The following FBN1 variants were observed in gnomAD, a reference collection of about 807,000 sequenced individuals.
The protein encoded by FBN1 is fibrillin 1, also known as fibrillin-1.
In FBN1, 29 loss-of-function variants were observed where a neutral mutation model predicts 365.1. That is an observed-to-expected ratio of 0.08 (90% CI 0.06 to 0.11). The LOEUF (loss-of-function observed/expected upper bound fraction) is 0.11. FBN1 is among the 10% of genes least tolerant of loss of function. The pLI is 1.00. For missense variants in FBN1, 2,476 were observed against 3,703.2 expected, an observed-to-expected ratio of 0.67 and a Z score of 8.60; for synonymous variants, 1,210 against 1,270.5, an observed-to-expected ratio of 0.95 and a Z score of 1.01.
intron 6 of FBN1, among the ~76,000 whole-genome samples, chr15:48,590,332 A>C (rs2044467800): frequency 1.3e-5 from 2 of 152,204 alleles, no homozygotes; most frequent in South Asian, 4.1e-4. Context: ...TTTTCGAAGC[A>C]GGTGTTTCCA....
intron 8 of FBN1, among the ~76,000 whole-genome samples, chr15:48,532,490 G>GTA (rs58665675): frequency 0.15 from 21,817 of 149,036 alleles, 1,582 homozygotes; most frequent in African/African-American, 0.16. Flanking sequence ...GTGTGTGTGT[G>GTA]TATATATATA....
Position 48,455,404 on chromosome 15 carries a change from G to C in FBN1, c.5422+1233C>G, listed in dbSNP as rs1012501026. Among the ~76,000 whole-genome samples, 5 of 152,170 alleles carry C rather than the reference G, an allele frequency of 3.3e-5. No homozygotes were observed. In the East Asian group the frequency reaches 9.6e-4, roughly 29 times the overall value. ...AATATAAGTGGTTAAAAGGTACCTG[G>C]GTACAGTCATCATCAAAGCCATCTC... On this transcript the variant is annotated intron_variant, in intron 44 of 65. Coordinates refer to ENST00000316623, the MANE Select transcript of FBN1 (RefSeq NM_000138.5).
chr15:48,558,894 A>G (rs75071782), intron 6 of FBN1, among the ~76,000 whole-genome samples: 3,594 of 152,316 alleles, frequency 0.024, 71 homozygotes, highest in Non-Finnish European at 0.039. Context: ...ATGCATTCAG[A>G]TCTGCATCTG....
At position 48,638,721 on chromosome 15, in the gene FBN1, A is replaced by ATTT. The variant is rs553256452; in HGVS notation, c.164+5884_164+5885insAAA. Among the ~76,000 whole-genome samples, 374 of 152,152 alleles carry ATTT rather than the reference A, an allele frequency of 2.5e-3. 3 individuals are homozygous for ATTT. Among genetic ancestry groups the ATTT allele is most frequent in the African/African-American group, 8.9e-3 (370 of 41,520 alleles). On this transcript the variant is annotated intron_variant, in intron 2 of 65. Coordinates refer to ENST00000316623, the MANE Select transcript of FBN1 (RefSeq NM_000138.5). ...AAAATGAAAAAGAAATAATTAAATA[A>ATTT]CTCATATGACTGGTCGTGATTTAAG...
intron 40 of FBN1, 89 bp from the exon 41 acceptor site, chr15:48,464,110 GAA>G: frequency 1.6e-6 from 2 of 1,246,232 alleles, no homozygotes; most frequent in Non-Finnish European, 2.3e-6. Context: ...CATTAGAGGA[GAA>G]AATCTATAGG....
chr15:48,503,930 A>G lies in FBN1; in HGVS notation c.1970T>C (p.Met657Thr), dbSNP rs2043686451. The G allele has an allele frequency of 6.2e-7, 1 of 1,614,176 alleles. No individual in the cohort carries two copies. Among genetic ancestry groups the G allele is most frequent in the Non-Finnish European group, 8.5e-7 (1 of 1,180,024 alleles). Residue 657 changes from methionine to threonine, a missense_variant, in exon 17 of 66, where the codon ATG becomes ACG. Coordinates refer to ENST00000316623, the MANE Select transcript of FBN1 (RefSeq NM_000138.5). ...GTATCCACCATAGCATGTGCTCCGCATGTGTGTGTCTAAACAGGAAGAAGC... is the reference window on the plus strand; with the variant it reads ...GTATCCACCATAGCATGTGCTCCGCGTGTGTGTGTCTAAACAGGAAGAAGC... ...LDGRVCVDTH[M>T]RSTCYGGYKR... is the part of the protein sequence containing the mutation.
rs768210642 is a variant in FBN1 at position 48,468,029 on chromosome 15, T to C, written c.4656A>G (p.Glu1552=). 6.2e-6 allele frequency: 10 copies of C among 1,614,136 alleles called. No homozygotes were observed. The highest frequency in any genetic ancestry group is 7.6e-6 in the Non-Finnish European group (9 of 1,180,004). Residue 1552 remains glutamate (E), a synonymous_variant, in exon 38 of 66, where the codon GAA becomes GAG. Coordinates refer to ENST00000316623, the MANE Select transcript of FBN1 (RefSeq NM_000138.5). ...AAGCTTTGGAAACACCAACTCCAATTTCATTGCTGCAGGCTGTATCTCCAT... is the reference window on the plus strand; with the variant it reads ...AAGCTTTGGAAACACCAACTCCAATCTCATTGCTGCAGGCTGTATCTCCAT... ...GDNGDTACSN[E]IGVGVSKASC... is the part of the protein sequence containing the mutation.
intron 6 of FBN1, among the ~76,000 whole-genome samples, chr15:48,589,186 A>G (rs2044457867): frequency 6.6e-6 from 1 of 152,218 alleles, no homozygotes; most frequent in Non-Finnish European, 1.5e-5. Flanking sequence ...AGAAAATGTC[A>G]GCAACAGTCA....
chr15:48,452,203 C>T (rs979810859), intron 45 of FBN1, among the ~76,000 whole-genome samples: 1 of 152,142 alleles, frequency 6.6e-6, no homozygotes, highest in Non-Finnish European at 1.5e-5. Context: ...GGAAAAAAAT[C>T]ATTTGGTCCT....
At chr15:48,634,111 T>C (rs1489243281) in intron 2 of FBN1, among the ~76,000 whole-genome samples, 1 of 152,198 alleles carries the variant, frequency 6.6e-6, no homozygotes, top group African/African-American at 2.4e-5. Context: ...TTAAAAGTTA[T>C]TCATCAAAGG....
chr15:48,489,719 C>A, intron 25 of FBN1, 132 bp downstream of exon 25: 7 of 775,638 alleles, frequency 9.0e-6, no homozygotes, highest in South Asian at 1.6e-5. Flanking sequence ...CTTTTCTAAA[C>A]AAAGATAATT....
intron 6 of FBN1, among the ~76,000 whole-genome samples, chr15:48,588,908 G>A (rs77803252): frequency 1.4e-3 from 219 of 152,306 alleles, no homozygotes; most frequent in African/African-American, 5.1e-3. Context: ...AGGACACTGT[G>A]GACTAGGGAC....
At chr15:48,456,845 T>TGC (rs1555396456) in intron 43 of FBN1, 83 bp from the exon 44 acceptor site, 20 of 779,036 alleles carry the variant, frequency 2.6e-5, no homozygotes, top group African/African-American at 5.2e-5. Context: ...AGTGCGTGCG[T>TGC]GTGTGTGTGT....
rs542614410 is a variant in FBN1, at chr15:48,425,583, G to T, written c.7331-92C>A. ...GGGTCTAACGAAGAATTTTAGTTTC[G>T]GGGAAAGAAAAAGGAAACTCTGTGT... On this transcript the variant is annotated intron_variant, in intron 59 of 65. Transcript: ENST00000316623. 5 of 1,581,368 alleles carry T rather than the reference G, an allele frequency of 3.2e-6. No individual in the cohort carries two copies. The East Asian group carries it at 1.1e-4, about 36-fold the overall frequency.
At chr15:48,568,029 G>C (rs1406659446) in intron 6 of FBN1, among the ~76,000 whole-genome samples, 2 of 89,646 alleles carry the variant, frequency 2.2e-5, no homozygotes, top group Non-Finnish European at 4.2e-5. Context: ...AAGAAAGAAA[G>C]AAAGAAAGAA....
At chr15:48,433,028 A>G in intron 54 of FBN1, 40 bp from the exon 55 acceptor site, 1 of 1,610,954 alleles carries the variant, frequency 6.2e-7, no homozygotes, top group Non-Finnish European at 8.5e-7. Flanking sequence ...GATCATGGAC[A>G]GCAACAAAAG....
chr15:48,548,413 C>T (rs1339747133), intron 6 of FBN1, among the ~76,000 whole-genome samples: 1 of 152,222 alleles, frequency 6.6e-6, no homozygotes, highest in East Asian at 1.9e-4. Context: ...AATCTTAATA[C>T]TATCCCATGG....
chr15:48,502,560 G>T (rs1028173771), intron 17 of FBN1, among the ~76,000 whole-genome samples: 5 of 152,058 alleles, frequency 3.3e-5, no homozygotes, highest in Admixed American at 3.3e-4. Context: ...TTCAATATTA[G>T]GTCTAACTTT....
intron 6 of FBN1, among the ~76,000 whole-genome samples, chr15:48,564,981 T>C (rs1472464460): frequency 6.6e-6 from 1 of 152,218 alleles, no homozygotes; most frequent in Non-Finnish European, 1.5e-5. Context: ...TTAGACCAAG[T>C]GCCTTACATA....
Sources: allele counts gnomAD v4.1 joint callset (sites outside exome capture counted in the v4.1 genomes callset), GRCh38; gene constraint gnomAD v4.1.1; transcripts MANE v1.5; gene names NCBI Gene and HGNC (gene_info 2026-07-23, HGNC 2026-07-21).